CCSER1: variants seen among roughly 807,000 people sequenced by gnomAD.
The protein encoded by CCSER1 is coiled-coil serine rich protein 1.
A neutral mutation model predicts 82.0 loss-of-function variants in CCSER1; 41 were observed. The ratio of observed to expected loss-of-function variants is 0.50; its 90% CI spans 0.39 to 0.65. CCSER1 has a LOEUF of 0.65. CCSER1 is among the 30% of genes least tolerant of loss of function. CCSER1 has a pLI of 0.00. For missense variants in CCSER1, 1,119 were observed against 1,064.2 expected (o/e 1.05, Z -0.72); for synonymous variants, 414 against 383.9 (o/e 1.08, Z -0.92).
chr4:90,850,243 C>T (rs1330363863), intron 8 of CCSER1, among the ~76,000 whole-genome samples: 1 of 152,230 alleles, frequency 6.6e-6, no homozygotes, highest in Non-Finnish European at 1.5e-5. Context: ...GCAGAGTCTG[C>T]TTCAGGGGTG....
chr4:91,209,936 G>T (rs927214021), intron 10 of CCSER1, among the ~76,000 whole-genome samples: 1 of 151,804 alleles, frequency 6.6e-6, no homozygotes, highest in African/African-American at 2.4e-5. Context: ...TCAGTGCAAT[G>T]AGCATACCTA....
chr4:91,061,538 T>G (rs891014930), intron 9 of CCSER1, among the ~76,000 whole-genome samples: 2 of 151,930 alleles, frequency 1.3e-5, no homozygotes, highest in African/African-American at 4.8e-5. Context: ...TTTATTTTAT[T>G]TTATTTTATT....
intron 5 of CCSER1, among the ~76,000 whole-genome samples, chr4:90,495,427 A>G (rs1397193310): frequency 1.3e-5 from 2 of 152,126 alleles, no homozygotes; most frequent in South Asian, 2.1e-4. Flanking sequence ...TACTTTAGAA[A>G]TGGATGTCTA....
In CCSER1 at chr4:91,013,757, C is replaced by CA. The variant is rs1295466577; in HGVS notation, c.2173-72192dup. ...AGCTGGGACTCCAGGCACCTGTCAC[C>CA]ACGCCCAGCTATTGTTTTTGTATTT... On this transcript the variant is annotated intron_variant, in intron 9 of 10. Transcript: ENST00000509176. Among the ~76,000 whole-genome samples the CA allele has an allele frequency of 4.3e-5, 5 of 115,584 alleles. 1 individual carries two copies. The highest frequency in any genetic ancestry group is 1.3e-4 in the African/African-American group (5 of 37,124). The allele number at this position is 115,584 out of a possible 152,430, so 75.8% of individuals were successfully genotyped here.
chr4:91,016,514 T>C (rs1739445404), intron 9 of CCSER1, among the ~76,000 whole-genome samples: 1 of 152,052 alleles, frequency 6.6e-6, no homozygotes, highest in Non-Finnish European at 1.5e-5. Context: ...TTGCCACAAT[T>C]ATGACTGTGG....
intron 10 of CCSER1, among the ~76,000 whole-genome samples, chr4:91,399,388 G>GA (rs1291510669): frequency 6.6e-6 from 1 of 151,782 alleles, no homozygotes; most frequent in Non-Finnish European, 1.5e-5. Flanking sequence ...CTAATGGAGG[G>GA]AAAAACATTA....
At chr4:90,391,566 A>T (rs1397972228) in intron 3 of CCSER1, among the ~76,000 whole-genome samples, 1 of 144,844 alleles carries the variant, frequency 6.9e-6, no homozygotes, top group Admixed American at 7.0e-5. Context: ...AAACAATTTA[A>T]AAACATCAAT....
intron 10 of CCSER1, among the ~76,000 whole-genome samples, chr4:91,123,315 A>G (rs960777742): frequency 2.0e-5 from 3 of 151,788 alleles, no homozygotes; most frequent in African/African-American, 7.2e-5. Flanking sequence ...AGCTTATGAT[A>G]AGAAATACAA....
chr4:90,418,140 A>G (rs926702839), intron 4 of CCSER1, among the ~76,000 whole-genome samples: 1 of 152,112 alleles, frequency 6.6e-6, no homozygotes, highest in Non-Finnish European at 1.5e-5. Flanking sequence ...TCATCTGAAA[A>G]TGGGCGCGAT....
intron 5 of CCSER1, among the ~76,000 whole-genome samples, chr4:90,547,555 C>T (rs902976873): frequency 2.0e-5 from 3 of 151,778 alleles, no homozygotes; most frequent in Non-Finnish European, 4.4e-5. Flanking sequence ...ACGTATCATT[C>T]CTGAGAAAGG....
At chr4:91,043,178 G>A (rs143372908) in intron 9 of CCSER1, among the ~76,000 whole-genome samples, 1 of 151,900 alleles carries the variant, frequency 6.6e-6, no homozygotes, top group Non-Finnish European at 1.5e-5. Flanking sequence ...ACAACTTTTA[G>A]TTAGTATTTA....
intron 8 of CCSER1, among the ~76,000 whole-genome samples, chr4:90,837,893 A>T (rs1281115192): frequency 6.6e-6 from 1 of 152,162 alleles, no homozygotes; most frequent in Non-Finnish European, 1.5e-5. Context: ...GTTTAAGGCA[A>T]CCATAAGATA....
At chr4:90,481,211 C>T (rs982982544) in intron 5 of CCSER1, among the ~76,000 whole-genome samples, 1 of 152,138 alleles carries the variant, frequency 6.6e-6, no homozygotes, top group Non-Finnish European at 1.5e-5. Flanking sequence ...GATTTTTGCA[C>T]ATTGATTTTG....
chr4:91,063,335 G>A (rs532151481), intron 9 of CCSER1, among the ~76,000 whole-genome samples: 11 of 152,172 alleles, frequency 7.2e-5, no homozygotes, highest in African/African-American at 2.6e-4. Flanking sequence ...ATGAGATAAG[G>A]CATGTGATGT....
At chr4:90,907,826 C>A (rs1174385273) in intron 8 of CCSER1, among the ~76,000 whole-genome samples, 1 of 152,010 alleles carries the variant, frequency 6.6e-6, no homozygotes, top group Non-Finnish European at 1.5e-5. Context: ...CATTTCCAAT[C>A]TTTCCCTACT....
intron 10 of CCSER1, among the ~76,000 whole-genome samples, chr4:91,379,586 A>T (rs149253153): frequency 0.02 from 2,988 of 152,126 alleles, 76 homozygotes; most frequent in African/African-American, 0.067. Flanking sequence ...TTTCTGTGGG[A>T]TTGGTGGTGA....
At chr4:90,991,481 C>T (rs1303641966) in intron 9 of CCSER1, among the ~76,000 whole-genome samples, 8 of 151,912 alleles carry the variant, frequency 5.3e-5, no homozygotes, top group Non-Finnish European at 7.4e-5. Context: ...CCACGTATCC[C>T]TTGGCTTGCA....
chr4:90,701,310 T>A (rs1164043968), intron 6 of CCSER1, among the ~76,000 whole-genome samples: 1 of 152,186 alleles, frequency 6.6e-6, no homozygotes, highest in Non-Finnish European at 1.5e-5. Flanking sequence ...GTGGTATTAT[T>A]TCTGAGGGCT....
intron 7 of CCSER1, among the ~76,000 whole-genome samples, chr4:90,738,302 T>C (rs1234968743): frequency 6.6e-6 from 1 of 152,132 alleles, no homozygotes; most frequent in Non-Finnish European, 1.5e-5. Context: ...TCTAAGTCTT[T>C]GGTCACTGCA....
Sources: allele counts gnomAD v4.1 joint callset (sites outside exome capture counted in the v4.1 genomes callset), GRCh38; gene constraint gnomAD v4.1.1; transcripts MANE v1.5; gene names NCBI Gene and HGNC (gene_info 2026-07-23, HGNC 2026-07-21).